The following NBPF20 variants were observed in gnomAD, a reference collection of about 807,000 sequenced individuals.
The protein encoded by NBPF20 is NBPF family member NBPF20.
A neutral mutation model predicts 68.1 loss-of-function variants in NBPF20; 90 were observed. The observed-to-expected ratio is 1.32, with a 90% confidence interval of 1.11 to 1.58. NBPF20 has a LOEUF of 1.58. Among genes scored for constraint, NBPF20 ranks in the 40% most tolerant of loss-of-function variants. NBPF20 has a pLI of 0.00. For missense variants in NBPF20, 816 were observed against 601.2 expected (o/e 1.36, Z -3.74); for synonymous variants, 290 against 228.1 (o/e 1.27, Z -2.45).
At chr1:145,397,967 C>A (rs1360353545) in intron 7 of NBPF20, among the ~76,000 whole-genome samples, 127 of 152,060 alleles carry the variant, frequency 8.4e-4, no homozygotes, top group East Asian at 9.7e-4. Context: ...TTAAACCAAC[C>A]AAGATCAAAA....
chr1:145,413,550 CAA>C, the NBPF20 span, among the ~76,000 whole-genome samples: 1 of 151,922 alleles, frequency 6.6e-6, no homozygotes, highest in Non-Finnish European at 1.5e-5. Context: ...GAGCCATACG[CAA>C]AAGAGTGTGA....
chr1:145,399,860 G>T (rs1243013526), intron 6 of NBPF20, among the ~76,000 whole-genome samples: 9 of 147,294 alleles, frequency 6.1e-5, no homozygotes, highest in African/African-American at 2.5e-5. Flanking sequence ...GAGAACCAGG[G>T]TCCAGCCTTG....
Position 145,291,621 on chromosome 1 carries a change from T to A in NBPF20, c.16846A>T (p.Ile5616Phe), listed in dbSNP as rs781974268. The A allele has an allele frequency of 3.7e-6, 6 of 1,611,890 alleles. No individual in the cohort carries two copies. In the African/African-American group the frequency reaches 4.0e-5, roughly 11 times the overall value. ...TTGTCCACGTAAAGGGCGAAGCTGA[T>A]GTGCTGTTCCTCAAATGAGTAAAAC... The change falls in exon 138 of 138, where the codon ATC (isoleucine) becomes TTC (phenylalanine). Residue 5616 changes from isoleucine to phenylalanine, a missense_variant. Transcript: ENST00000369373.
chr1:145,290,647 AT>A (rs1661010183), exon 138 of NBPF20: 2 of 151,538 alleles, frequency 1.3e-5, no homozygotes, highest in South Asian at 4.2e-4. Flanking sequence ...TGAACCCAAA[AT>A]ATCTCTTCTC....
At chr1:145,409,871 G>T (rs1316918914), upstream of NBPF20, among the ~76,000 whole-genome samples, 1 of 151,334 alleles carries the variant, frequency 6.6e-6, no homozygotes, top group Non-Finnish European at 1.5e-5. Context: ...ATTTTGAGTT[G>T]GTCTGGTGAT....
At chr1:145,311,825 T>C (rs1263910506) in intron 112 of NBPF20, among the ~76,000 whole-genome samples, 1 of 101,864 alleles carries the variant, frequency 9.8e-6, no homozygotes, top group Non-Finnish European at 1.9e-5. Flanking sequence ...TTCAGCCCTG[T>C]CTCATCAAAT....
At chr1:145,408,449 T>C (rs1390490184), upstream of NBPF20, among the ~76,000 whole-genome samples, 1 of 152,076 alleles carries the variant, frequency 6.6e-6, no homozygotes, top group Non-Finnish European at 1.5e-5. Context: ...GGGCATATTG[T>C]TTGAATCTGT....
chr1:145,393,302 C>A, intron 9 of NBPF20, 56 bp from the exon 15 acceptor site: 1 of 675,176 alleles, frequency 1.5e-6, no homozygotes, highest in Non-Finnish European at 2.7e-6. Context: ...AACCACACAG[C>A]CCCAGCTAGA....
At chr1:145,394,896 CA>C in intron 8 of NBPF20, 81 bp downstream of exon 13, 2 of 1,350,842 alleles carry the variant, frequency 1.5e-6, no homozygotes, top group Non-Finnish European at 2.1e-6. Context: ...CTCAGCCCAA[CA>C]AGGGGCACAA....
At chr1:145,402,529 GAAAGA>G (rs1662571821) in intron 3 of NBPF20, 148 bp from the exon 9 acceptor site, 1 of 709,144 alleles carries the variant, frequency 1.4e-6, no homozygotes, top group Non-Finnish European at 2.6e-6. Flanking sequence ...GTGGCCAAGA[GAAAGA>G]ATAGAAAATG....
chr1:145,398,633 C>T (rs2101561991), intron 7 of NBPF20, among the ~76,000 whole-genome samples: 1 of 151,916 alleles, frequency 6.6e-6, no homozygotes, highest in African/African-American at 2.4e-5. Context: ...CAGAAAAGAT[C>T]TAAAATTGAC....
At chr1:145,413,403 G>A in the NBPF20 span, among the ~76,000 whole-genome samples, 1 of 151,246 alleles carries the variant, frequency 6.6e-6, no homozygotes, top group African/African-American at 2.4e-5. Context: ...GGAAAAACTG[G>A]AAACATTCAA....
At chr1:145,292,185 A>T (rs587629545) in intron 137 of NBPF20, among the ~76,000 whole-genome samples, 196 bp downstream of exon 142, 2 of 149,932 alleles carry the variant, frequency 1.3e-5, no homozygotes, top group African/African-American at 5.1e-5. Context: ...TGGTCAACCT[A>T]TGGCACGTTA....
chr1:145,425,170 G>A, the NBPF20 span, among the ~76,000 whole-genome samples: 15 of 152,172 alleles, frequency 9.9e-5, no homozygotes, highest in Non-Finnish European at 2.2e-4. Context: ...GCAGCGGCAA[G>A]TGAGGAATCC....
chr1:145,402,298 C>T (rs1330089777), exon 4 of NBPF20: 25 of 1,610,314 alleles, frequency 1.6e-5, no homozygotes, highest in African/African-American at 5.3e-5. Flanking sequence ...ATTCAATGAG[C>T]GGGAGGCATC....
chr1:145,394,267 A>G (rs1482254704), intron 8 of NBPF20, among the ~76,000 whole-genome samples: 5 of 151,496 alleles, frequency 3.3e-5, no homozygotes, highest in Non-Finnish European at 7.3e-5. Context: ...TTCAATATTA[A>G]GCTTTCTCTC....
chr1:145,394,303 T>C (rs1662106233), intron 8 of NBPF20, among the ~76,000 whole-genome samples: 1 of 151,602 alleles, frequency 6.6e-6, no homozygotes, highest in Non-Finnish European at 1.5e-5. Context: ...TTTGATAGTT[T>C]ATGAGATTGT....
chr1:145,400,919 T>A, intron 5 of NBPF20, 140 bp downstream of exon 10: 5 of 1,090,914 alleles, frequency 4.6e-6, no homozygotes, highest in Non-Finnish European at 7.1e-6. Flanking sequence ...GCACCCTGTG[T>A]CTAAGCTGGG....
chr1:145,416,138 A>C, the NBPF20 span, among the ~76,000 whole-genome samples: 1 of 151,730 alleles, frequency 6.6e-6, no homozygotes, highest in Non-Finnish European at 1.5e-5. Context: ...TCTCCAAAAA[A>C]AAAAAGATAA....
Sources: allele counts gnomAD v4.1 joint callset (sites outside exome capture counted in the v4.1 genomes callset), GRCh38; gene constraint gnomAD v4.1.1; transcripts MANE v1.5; gene names NCBI Gene and HGNC (gene_info 2026-07-23, HGNC 2026-07-21).